SLC14A2: variants seen among roughly 807,000 people sequenced by gnomAD.
SLC14A2 encodes the protein urea transporter 2.
SLC14A2 carries 91 observed loss-of-function variants against 104.6 expected under a neutral mutation model. That is an observed-to-expected ratio of 0.87 (90% CI 0.73 to 1.04). SLC14A2 has a LOEUF of 1.04. Among genes scored for constraint, SLC14A2 ranks in the 50% least tolerant of loss-of-function variants. The pLI is 0.00. For synonymous variants in SLC14A2, 476 were observed against 466.4 expected (o/e 1.02, Z -0.27); for missense variants, 1,189 against 1,156.0 (o/e 1.03, Z -0.41).
intron 2 of SLC14A2, among the ~76,000 whole-genome samples, chr18:45,555,426 T>C (rs2044118743): frequency 6.6e-6 from 1 of 152,216 alleles, no homozygotes; most frequent in Non-Finnish European, 1.5e-5. Context: ...AAACCCATGG[T>C]ACATTGAAAA....
intron 2 of SLC14A2, among the ~76,000 whole-genome samples, chr18:45,568,995 C>A (rs1163173134): frequency 6.6e-6 from 1 of 152,184 alleles, no homozygotes; most frequent in African/African-American, 2.4e-5. Flanking sequence ...TTCCAGGAGA[C>A]TGAGTAGGAT....
chr18:45,343,307 G>C (rs1048910930), intron 1 of SLC14A2, among the ~76,000 whole-genome samples: 1 of 151,914 alleles, frequency 6.6e-6, no homozygotes, highest in Non-Finnish European at 1.5e-5. Context: ...ATTTTATTTG[G>C]GCTGCCTTGT....
chr18:45,328,246 C>A (rs943131426), intron 1 of SLC14A2, among the ~76,000 whole-genome samples: 1 of 152,136 alleles, frequency 6.6e-6, no homozygotes, highest in African/African-American at 2.4e-5. Flanking sequence ...GTGCTTGTGT[C>A]TGCAGAGCAA....
At chr18:45,257,863 G>A (rs1286371027) in intron 1 of SLC14A2, among the ~76,000 whole-genome samples, 2 of 152,170 alleles carry the variant, frequency 1.3e-5, no homozygotes, top group East Asian at 1.9e-4. Context: ...CATGTAAAAG[G>A]TGGCAATTAT....
At chr18:45,283,925 A>G (rs2084788318) in intron 1 of SLC14A2, among the ~76,000 whole-genome samples, 1 of 152,204 alleles carries the variant, frequency 6.6e-6, no homozygotes, top group African/African-American at 2.4e-5. Context: ...CTTTAAGTGT[A>G]AAACATGTAC....
chr18:45,543,942 A>G lies in SLC14A2; in HGVS notation c.-35+60620A>G, dbSNP rs1281956196. 2.6e-5 allele frequency among the ~76,000 whole-genome samples: 4 copies of G among 152,246 alleles called. No individual in the cohort carries two copies. The South Asian group carries it at 6.2e-4, about 24-fold the overall frequency. ...AAGGGTGGCTATGAGGCCAGCCCCAAGTAAAAATGCTGGGCACTGAGTCTC... is the reference window on the plus strand; with the variant it reads ...AAGGGTGGCTATGAGGCCAGCCCCAGGTAAAAATGCTGGGCACTGAGTCTC... On this transcript the variant is annotated intron_variant, in intron 2 of 20. Coordinates refer to the SLC14A2 transcript ENST00000586448.
At chr18:45,673,159 C>T in intron 17 of SLC14A2, 112 bp downstream of exon 17, 1 of 1,056,628 alleles carries the variant, frequency 9.5e-7, no homozygotes, top group Non-Finnish European at 1.4e-6. Flanking sequence ...TGTGAACTTT[C>T]CCTCCTTCTG....
intron 16 of SLC14A2, among the ~76,000 whole-genome samples, chr18:45,671,966 T>G (rs1455358832): frequency 2.6e-5 from 4 of 152,176 alleles, no homozygotes; most frequent in Non-Finnish European, 5.9e-5. Context: ...GGCACCAGAC[T>G]TTTTCAAGTG....
intron 1 of SLC14A2, among the ~76,000 whole-genome samples, chr18:45,349,247 A>T (rs1378432697): frequency 2.6e-5 from 4 of 152,200 alleles, no homozygotes; most frequent in Non-Finnish European, 4.4e-5. Context: ...CAAGCTGGGA[A>T]TTATATCAAA....
chr18:45,478,788 A>G (rs2087435214), intron 1 of SLC14A2, among the ~76,000 whole-genome samples: 2 of 152,302 alleles, frequency 1.3e-5, no homozygotes, highest in East Asian at 1.9e-4. Context: ...GAAAAAAAAA[A>G]AGAGATTGTC....
rs373064340 is a variant in SLC14A2, at chr18:45,667,808, A to C, written c.1718-25A>C. On this transcript the variant is annotated intron_variant, in intron 13 of 19. Transcript: ENST00000255226. ...GGCTGCCCACACTGAGCACTTGCCT[A>C]CTTCCTGCCCCGGTTCCATTTCAGA... The C allele has an allele frequency of 2.1e-5, 34 of 1,605,188 alleles. No individual in the cohort carries two copies. In the South Asian group the frequency reaches 2.6e-4, roughly 12 times the overall value.
chr18:45,509,734 G>A (rs2043338236), intron 2 of SLC14A2, among the ~76,000 whole-genome samples: 1 of 152,194 alleles, frequency 6.6e-6, no homozygotes, highest in Admixed American at 6.5e-5. Context: ...GTTCTTGAGG[G>A]AGGTTCCAGG....
At chr18:45,342,754 G>A (rs1313941526) in intron 1 of SLC14A2, among the ~76,000 whole-genome samples, 3 of 152,180 alleles carry the variant, frequency 2.0e-5, no homozygotes, top group African/African-American at 7.2e-5. Context: ...AACTGAATAT[G>A]GAAAGATAAT....
At chr18:45,281,218 G>A (rs1192644810) in intron 1 of SLC14A2, among the ~76,000 whole-genome samples, 1 of 152,170 alleles carries the variant, frequency 6.6e-6, no homozygotes, top group Non-Finnish European at 1.5e-5. Context: ...GGGGTTAACA[G>A]TGTCCCTGCT....
chr18:45,634,624 G>A (rs2045390825), intron 5 of SLC14A2, among the ~76,000 whole-genome samples: 1 of 152,222 alleles, frequency 6.6e-6, no homozygotes, highest in African/African-American at 2.4e-5. Context: ...CAAGACTGGT[G>A]TGGCAGAAGC....
intron 2 of SLC14A2, among the ~76,000 whole-genome samples, chr18:45,498,703 T>A (rs1479631606): frequency 1.3e-5 from 2 of 152,168 alleles, no homozygotes; most frequent in African/African-American, 4.8e-5. Context: ...GGTCTCTCCC[T>A]TTCAATTAGT....
intron 1 of SLC14A2, among the ~76,000 whole-genome samples, chr18:45,392,578 CACTT>C (rs1353382086): frequency 2.0e-5 from 3 of 152,156 alleles, no homozygotes; most frequent in African/African-American, 7.2e-5. Flanking sequence ...ATCAAGATTT[CACTT>C]ATCTAAAATG....
At position 45,461,539 on chromosome 18, in the gene SLC14A2, C is replaced by A. The variant is rs549830954; in HGVS notation, c.-124-21694C>A. On this transcript the variant is annotated intron_variant, in intron 1 of 20. Transcript: ENST00000586448. Reference sequence around the variant, plus strand: ...CTGTCCCTCCAGTCTGCTAGAAAGGCTCCCATAGATATTTGAGATCAAAGT... The same window carrying A: ...CTGTCCCTCCAGTCTGCTAGAAAGGATCCCATAGATATTTGAGATCAAAGT... 5.9e-5 allele frequency among the ~76,000 whole-genome samples: 9 copies of A among 152,320 alleles called. No individual in the cohort carries two copies. The East Asian group carries it at 1.7e-3, about 29-fold the overall frequency.
At chr18:45,429,569 A>T (rs928284131) in intron 1 of SLC14A2, among the ~76,000 whole-genome samples, 1 of 152,140 alleles carries the variant, frequency 6.6e-6, no homozygotes, top group African/African-American at 2.4e-5. Flanking sequence ...GACAGCAAGT[A>T]GCTCCTAGGA....
Sources: gnomAD v4.1 joint callset for allele counts (sites outside exome capture counted in the v4.1 genomes callset) on GRCh38, gnomAD v4.1.1 for gene constraint, MANE v1.5 for transcripts, NCBI Gene and HGNC (gene_info 2026-07-23, HGNC 2026-07-21) for gene names.